RAB3IL1: variants seen among roughly 807,000 people sequenced by gnomAD.
RAB3IL1 encodes the protein guanine nucleotide exchange factor for Rab-3A.
A neutral mutation model predicts 49.2 loss-of-function variants in RAB3IL1; 37 were observed. The ratio of observed to expected loss-of-function variants is 0.75; its 90% CI spans 0.58 to 0.99. RAB3IL1 has a LOEUF of 0.99. RAB3IL1 is among the 50% of genes least tolerant of loss of function. The pLI is 0.00. For missense variants in RAB3IL1, 484 were observed against 513.0 expected (o/e 0.94, Z 0.55); for synonymous variants, 193 against 213.9 (o/e 0.90, Z 0.85).
chr11:61,904,954 T>C lies in RAB3IL1; in HGVS notation c.658-72A>G, dbSNP rs968133323. 27 of 1,195,320 alleles carry C rather than the reference T, an allele frequency of 2.3e-5. No individual in the cohort carries two copies. In the Admixed American group the frequency reaches 2.7e-4, roughly 12 times the overall value. 74.0% of individuals were successfully genotyped at this position (1,195,320 alleles called of 1,614,324 possible). A position where few individuals can be genotyped will look rare whatever the true frequency, so the allele number is the denominator to read the frequency against. On this transcript the variant is annotated intron_variant, in intron 5 of 9. Transcript: ENST00000394836. ...CCAGCATAGAAGATGCAGGCTGAGC[T>C]GAAGGGGAGCGAGGGAGGACGTGGG...
chr11:61,942,154 T>A, the RAB3IL1 span, among the ~76,000 whole-genome samples: 1 of 152,072 alleles, frequency 6.6e-6, no homozygotes, highest in Non-Finnish European at 1.5e-5. Flanking sequence ...GAGGTTGCAG[T>A]GAGCCATGAT....
In RAB3IL1 at chr11:61,899,394, T is replaced by TG. The variant is rs1285041018; in HGVS notation, c.1000-15dup. 1.9e-6 allele frequency: 3 copies of TG among 1,606,656 alleles called. No homozygotes were observed. The African/African-American group carries it at 4.0e-5, about 21-fold the overall frequency. On this transcript the variant is annotated splice_polypyrimidine_tract_variant and intron_variant, in intron 8 of 9. Coordinates refer to ENST00000394836, the MANE Select transcript of RAB3IL1 (RefSeq NM_013401.4). ...CACTGCGGTGATCTGTGGGCAGAGG[T>TG]GGGGACGGTGTGACCTGCCAGCCCC...
chr11:61,902,185 A>T (rs1438328440), intron 8 of RAB3IL1, among the ~76,000 whole-genome samples: 1 of 152,234 alleles, frequency 6.6e-6, no homozygotes, highest in Non-Finnish European at 1.5e-5. Flanking sequence ...GTGGTGGCAC[A>T]TGCCTGTAAT....
intron 4 of RAB3IL1, 39 bp downstream of exon 4, chr11:61,907,354 G>A: frequency 6.2e-7 from 1 of 1,602,998 alleles, no homozygotes; most frequent in Non-Finnish European, 8.5e-7. Flanking sequence ...GGCAGGGGGG[G>A]TGCCTGGGCT....
At chr11:61,922,036 C>T (rs187431406), upstream of RAB3IL1, among the ~76,000 whole-genome samples, 44 of 151,626 alleles carry the variant, frequency 2.9e-4, 1 homozygote, top group East Asian at 8.0e-3. Context: ...AAAAAAAACC[C>T]GTCTCTACTA....
the RAB3IL1 span, among the ~76,000 whole-genome samples, chr11:61,942,549 C>T: frequency 2.0e-5 from 3 of 152,182 alleles, no homozygotes; most frequent in African/African-American, 4.8e-5. Context: ...GCTGGGATGA[C>T]ATGCATGAAC....
At chr11:61,914,539 CTG>C (rs1487205359) in intron 1 of RAB3IL1, among the ~76,000 whole-genome samples, 1 of 152,202 alleles carries the variant, frequency 6.6e-6, no homozygotes, top group Non-Finnish European at 1.5e-5. Context: ...ATGTGTGAAA[CTG>C]TGGGGAATCG....
Position 61,897,833 on chromosome 11 carries a change from G to C in RAB3IL1, c.*445C>G, listed in dbSNP as rs1458539214. 1.2e-5 allele frequency: 2 copies of C among 165,518 alleles called. No individual in the cohort carries two copies. Among genetic ancestry groups the C allele is most frequent in the Admixed American group, 1.2e-4 (2 of 16,552 alleles). 10.3% of individuals were successfully genotyped at this position (165,518 alleles called of 1,614,324 possible). ...GCCACAAGGGGGTGCTGCTGGCCCA[G>C]GGCTTGGCAGCTGGGGTGGAGGGTA... is the stretch of plus-strand genomic sequence containing the variant. On this transcript the variant is annotated 3_prime_UTR_variant, in exon 10 of 10. Transcript: ENST00000394836.
At chr11:61,944,447 T>C in the RAB3IL1 span, among the ~76,000 whole-genome samples, 3 of 152,124 alleles carry the variant, frequency 2.0e-5, no homozygotes, top group South Asian at 2.1e-4. Flanking sequence ...AGATTCTGCA[T>C]TGGTAACAAG....
At chr11:61,919,675 C>T (rs1050319571), upstream of RAB3IL1, among the ~76,000 whole-genome samples, 7 of 152,128 alleles carry the variant, frequency 4.6e-5, no homozygotes, top group Admixed American at 3.9e-4. Flanking sequence ...AAAGTTGTGT[C>T]CTCTGCCTAC....
At chr11:61,914,109 C>A (rs1422547813) in intron 1 of RAB3IL1, among the ~76,000 whole-genome samples, 3 of 152,226 alleles carry the variant, frequency 2.0e-5, no homozygotes, top group Non-Finnish European at 4.4e-5. Flanking sequence ...AGACTCTTGT[C>A]TCACGGCCTC....
At chr11:61,930,678 T>TGA in the RAB3IL1 span, among the ~76,000 whole-genome samples, 2 of 152,176 alleles carry the variant, frequency 1.3e-5, no homozygotes, top group Admixed American at 1.3e-4. Context: ...CTTGGGAGGC[T>TGA]GAGGCAGGAG....
At chr11:61,904,171 T>G (rs1026841927) in intron 7 of RAB3IL1, among the ~76,000 whole-genome samples, 1 of 152,044 alleles carries the variant, frequency 6.6e-6, no homozygotes, top group Non-Finnish European at 1.5e-5. Context: ...TTCTGCCCCT[T>G]GCTCCACCCT....
At position 61,899,398 on chromosome 11, in the gene RAB3IL1, G is replaced by T; in HGVS notation, c.1000-18C>A. ...GCGGTGATCTGTGGGCAGAGGTGGGGACGGTGTGACCTGCCAGCCCCACGC... is the reference window on the plus strand; with the variant it reads ...GCGGTGATCTGTGGGCAGAGGTGGGTACGGTGTGACCTGCCAGCCCCACGC... On this transcript the variant is annotated intron_variant, in intron 8 of 9. Coordinates refer to ENST00000394836, the MANE Select transcript of RAB3IL1 (RefSeq NM_013401.4). 1 of 1,606,176 alleles carries T rather than the reference G, an allele frequency of 6.2e-7. No individual in the cohort carries two copies.
chr11:61,939,204 A>G, the RAB3IL1 span, among the ~76,000 whole-genome samples: 1 of 152,156 alleles, frequency 6.6e-6, no homozygotes, highest in Non-Finnish European at 1.5e-5. Context: ...CCACAAAGGA[A>G]TGAAATTAGA....
chr11:61,905,452 G>A lies in RAB3IL1; in HGVS notation c.658-570C>T, dbSNP rs529493175. Among the ~76,000 whole-genome samples the A allele has an allele frequency of 4.8e-4, 73 of 152,298 alleles. 1 individual carries two copies. Among genetic ancestry groups the A allele is most frequent in the African/African-American group, 1.4e-3 (58 of 41,576 alleles). On this transcript the variant is annotated intron_variant, in intron 5 of 9. Transcript: ENST00000394836. ...GGGGCTGGGGGCTCCCCAGGTGGGA[G>A]CGGCCAGGCCGGCTCGTAGGTGAGG...
chr11:61,942,849 T>C, the RAB3IL1 span, among the ~76,000 whole-genome samples: 2 of 152,190 alleles, frequency 1.3e-5, no homozygotes, highest in Admixed American at 1.3e-4. Flanking sequence ...CCTACGACAG[T>C]GGTGAATGAA....
intron 7 of RAB3IL1, among the ~76,000 whole-genome samples, chr11:61,904,086 C>T (rs1282226282): frequency 2.0e-5 from 3 of 151,824 alleles, no homozygotes; most frequent in Admixed American, 6.6e-5. Context: ...GCTCCCTCTC[C>T]GTGATGAGCC....
At chr11:61,903,413 G>A (rs1055796347) in intron 7 of RAB3IL1, among the ~76,000 whole-genome samples, 1 of 152,150 alleles carries the variant, frequency 6.6e-6, no homozygotes, top group African/African-American at 2.4e-5. Context: ...CCAAATAAAT[G>A]AAGGTTTAAA....
Sources: gnomAD v4.1 joint callset for allele counts (sites outside exome capture counted in the v4.1 genomes callset) on GRCh38, gnomAD v4.1.1 for gene constraint, MANE v1.5 for transcripts, NCBI Gene and HGNC (gene_info 2026-07-23, HGNC 2026-07-21) for gene names.